Variants in ARHGEF3 observed in about 807,000 individuals in gnomAD.
ARHGEF3 encodes 59.8 kDA protein.
ARHGEF3 carries 28 observed loss-of-function variants against 63.2 expected under a neutral mutation model. That is an observed-to-expected ratio of 0.44 (90% CI 0.33 to 0.61). The LOEUF is 0.61. Among genes scored for constraint, ARHGEF3 ranks in the 20% least tolerant of loss-of-function variants. The pLI, the probability that ARHGEF3 is intolerant of heterozygous loss-of-function variation, is 0.03. For missense variants in ARHGEF3, 533 were observed against 659.3 expected, an observed-to-expected ratio of 0.81 and a Z score of 2.10; for synonymous variants, 266 against 254.2, an observed-to-expected ratio of 1.05 and a Z score of -0.44.
At chr3:56,745,510 C>T (rs763258438) in intron 6 of ARHGEF3, 48 bp from the exon 7 acceptor site, 8 of 1,596,192 alleles carry the variant, frequency 5.0e-6, no homozygotes, top group Non-Finnish European at 6.8e-6. Context: ...AATAATTGAG[C>T]TCTGAGGCTA....
chr3:56,984,756 G>C (rs1323348534), intron 2 of ARHGEF3, among the ~76,000 whole-genome samples: 1 of 152,130 alleles, frequency 6.6e-6, no homozygotes, highest in Non-Finnish European at 1.5e-5. Flanking sequence ...AACACCAAGG[G>C]CCTACAGAGG....
intron 3 of ARHGEF3, among the ~76,000 whole-genome samples, chr3:56,912,051 T>C (rs1578825883): frequency 6.6e-6 from 1 of 152,102 alleles, no homozygotes; most frequent in African/African-American, 2.4e-5. Context: ...ACATTTTGAG[T>C]TCTAGTTGAT....
Position 56,729,463 on chromosome 3 carries a change from G to C in ARHGEF3, c.1388C>G (p.Ser463Cys). Reference protein sequence around the residue: ...CAAGQAGVLDSEGSFLNPTTG... With the variant: ...CAAGQAGVLDCEGSFLNPTTG... ...GGTGGGATTTAGGAACGATCCCTCG[G>C]AGTCAAGCACCCCAGCTTGCCCGGC... The change falls in exon 10 of 10, where the codon TCC (serine) becomes TGC (cysteine). Residue 463 changes from serine (S) to cysteine (C), a missense_variant. Physicochemically the swap from Ser to Cys is moderately radical, Grantham distance 112 (BLOSUM62 -1). Coordinates refer to ENST00000296315, the MANE Select transcript of ARHGEF3 (RefSeq NM_019555.3). 2 of 1,614,166 alleles carry C rather than the reference G, an allele frequency of 1.2e-6. No individual in the cohort carries two copies. Among genetic ancestry groups the C allele is most frequent in the South Asian group, 2.2e-5 (2 of 91,078 alleles).
At chr3:56,820,055 T>C (rs1233896249) in intron 4 of ARHGEF3, among the ~76,000 whole-genome samples, 1 of 152,150 alleles carries the variant, frequency 6.6e-6, no homozygotes, top group Non-Finnish European at 1.5e-5. Context: ...AGTGATCCTC[T>C]CCCCTTGACC....
At chr3:57,054,409 C>T (rs113696931) in intron 1 of ARHGEF3, among the ~76,000 whole-genome samples, 3 of 151,034 alleles carry the variant, frequency 2.0e-5, no homozygotes, top group Admixed American at 6.6e-5. Flanking sequence ...GTGGGCTGAT[C>T]GCTTGAGCCC....
intron 2 of ARHGEF3, among the ~76,000 whole-genome samples, chr3:57,014,394 TC>T (rs1702877970): frequency 6.6e-6 from 1 of 152,074 alleles, no homozygotes; most frequent in Admixed American, 6.6e-5. Flanking sequence ...GCCCCTTCCA[TC>T]ACCACCCCTG....
intron 1 of ARHGEF3, among the ~76,000 whole-genome samples, chr3:57,069,045 C>T (rs557474536): frequency 1.1e-4 from 16 of 151,834 alleles, no homozygotes; most frequent in African/African-American, 3.9e-4. Flanking sequence ...CTCAGCCTCT[C>T]TCTAGTAACT....
intron 4 of ARHGEF3, among the ~76,000 whole-genome samples, chr3:56,839,967 T>G (rs867864362): frequency 3.3e-5 from 5 of 152,320 alleles, no homozygotes; most frequent in Middle Eastern, 3.4e-3. Context: ...CTCCTGGGAA[T>G]GACTTCAACC....
intron 2 of ARHGEF3, among the ~76,000 whole-genome samples, chr3:57,023,904 G>C (rs934938711): frequency 6.6e-6 from 1 of 152,238 alleles, no homozygotes; most frequent in African/African-American, 2.4e-5. Flanking sequence ...AGATTCACAA[G>C]AGTCGGCCTG....
chr3:57,071,728 C>T (rs1178579971), intron 1 of ARHGEF3, among the ~76,000 whole-genome samples: 5 of 150,762 alleles, frequency 3.3e-5, no homozygotes, highest in African/African-American at 4.9e-5. Context: ...AGGTTTCTTA[C>T]GTATGACACC....
At chr3:56,909,222 G>A (rs1242229355) in intron 3 of ARHGEF3, among the ~76,000 whole-genome samples, 1 of 152,212 alleles carries the variant, frequency 6.6e-6, no homozygotes, top group Non-Finnish European at 1.5e-5. Context: ...TTTCTAAAGA[G>A]AATACTCAAA....
intron 2 of ARHGEF3, chr3:56,958,903 G>T: frequency 1.3e-6 from 2 of 1,547,184 alleles, no homozygotes; most frequent in South Asian, 1.2e-5. Flanking sequence ...GAAGAGAAAA[G>T]ACAATGTATT....
intron 2 of ARHGEF3, among the ~76,000 whole-genome samples, chr3:56,968,082 ATT>A (rs1246226745): frequency 6.9e-5 from 4 of 58,030 alleles, no homozygotes; most frequent in Non-Finnish European, 1.2e-4. Flanking sequence ...TATATTATAT[ATT>A]TATTATACAT....
chr3:57,050,768 G>A (rs567530967), intron 1 of ARHGEF3, among the ~76,000 whole-genome samples: 5 of 152,296 alleles, frequency 3.3e-5, no homozygotes, highest in Non-Finnish European at 7.4e-5. Flanking sequence ...GGAGTAACAC[G>A]ATCAACTTCA....
chr3:56,966,890 T>A (rs1578974088), intron 2 of ARHGEF3, among the ~76,000 whole-genome samples: 2 of 150,486 alleles, frequency 1.3e-5, no homozygotes, highest in East Asian at 3.9e-4. Flanking sequence ...TGAGACAGAG[T>A]TTCACTCTTG....
At chr3:56,924,144 G>T (rs2042219822) in intron 3 of ARHGEF3, among the ~76,000 whole-genome samples, 1 of 152,182 alleles carries the variant, frequency 6.6e-6, no homozygotes, top group South Asian at 2.1e-4. Flanking sequence ...TTTCCAACAG[G>T]AATGCAAGTC....
chr3:56,950,419 C>CA (rs1431257286), intron 3 of ARHGEF3, among the ~76,000 whole-genome samples: 1 of 151,048 alleles, frequency 6.6e-6, no homozygotes, highest in Non-Finnish European at 1.5e-5. Context: ...ACAATGAACT[C>CA]AAACAAATTT....
chr3:56,993,840 G>T lies in ARHGEF3; in HGVS notation c.63-34951C>A, dbSNP rs546354103. On this transcript the variant is annotated intron_variant, in intron 2 of 12. Transcript: ENST00000338458. Reference sequence around the variant, plus strand: ...CCCAGCACTTTGGGAGGCCAAGGTAGGTGGATGAGGTCAGAAGTTCAAGAC... The same window carrying T: ...CCCAGCACTTTGGGAGGCCAAGGTATGTGGATGAGGTCAGAAGTTCAAGAC... Among the ~76,000 whole-genome samples, 9 of 151,268 alleles carry T rather than the reference G, an allele frequency of 5.9e-5. No homozygotes were observed. In the South Asian group the frequency reaches 1.5e-3, roughly 25 times the overall value.
chr3:57,068,169 A>ACACC (rs1491548605), intron 1 of ARHGEF3, among the ~76,000 whole-genome samples: 22 of 2,696 alleles, frequency 8.2e-3, no homozygotes, highest in African/African-American at 0.021. Flanking sequence ...ACACACACAT[A>ACACC]CACACACACA....
Sources: gnomAD v4.1 joint callset for allele counts (sites outside exome capture counted in the v4.1 genomes callset) on GRCh38, gnomAD v4.1.1 for gene constraint, MANE v1.5 for transcripts, NCBI Gene and HGNC (gene_info 2026-07-23, HGNC 2026-07-21) for gene names.